Variants in GOSR1 observed in about 807,000 individuals in gnomAD.
GOSR1 encodes the protein golgi SNAP receptor complex member 1, also known as 28 kDa Golgi SNARE protein.
A neutral mutation model predicts 35.5 loss-of-function variants in GOSR1; 21 were observed. The observed-to-expected ratio is 0.59, with a 90% CI of 0.42 to 0.85. The LOEUF (loss-of-function observed/expected upper bound fraction) is 0.85, where lower values mean the gene tolerates loss of function less well. GOSR1 is among the 40% of genes least tolerant of loss of function. The pLI, the probability that GOSR1 is intolerant of heterozygous loss-of-function variation, is 0.00. For missense variants in GOSR1, 285 were observed against 309.6 expected, an observed-to-expected ratio of 0.92 and a Z score of 0.60; for synonymous variants, 94 against 106.6, an observed-to-expected ratio of 0.88 and a Z score of 0.73.
intron 8 of GOSR1, 55 bp downstream of exon 8, chr17:30,520,076 CTG>C (rs1967969713): frequency 9.0e-7 from 1 of 1,110,868 alleles, no homozygotes; most frequent in Non-Finnish European, 1.4e-6. Flanking sequence ...GGAGAAGTGT[CTG>C]TGTGTGCTTT....
rs533613160 is a variant in GOSR1 at position 30,482,944 on chromosome 17, C to T, written c.147-1270C>T. On this transcript the variant is annotated intron_variant, in intron 2 of 8. Coordinates refer to ENST00000451249, the MANE Select transcript of GOSR1 (RefSeq NM_001007025.2). ...ATTTCCCAAGAAATTCTACCACAAA[C>T]TGAAACTGGCTTTGTAGAATTACTT... is the stretch of plus-strand genomic sequence containing the variant. 89 of 152,254 alleles carry T rather than the reference C, an allele frequency of 5.8e-4. 1 individual carries two copies. The highest frequency in any genetic ancestry group is 2.1e-3 in the African/African-American group (86 of 41,556). 9.4% of individuals were successfully genotyped at this position (152,254 alleles called of 1,614,324 possible).
intron 6 of GOSR1, among the ~76,000 whole-genome samples, chr17:30,505,010 C>A (rs563360358): frequency 5.9e-5 from 9 of 152,290 alleles, no homozygotes; most frequent in African/African-American, 1.9e-4. Flanking sequence ...TTTTATATTT[C>A]TTTCTAGGCT....
rs1217841376 is a variant in GOSR1, at chr17:30,524,607, A to G, written c.*2229A>G. 1 of 152,084 alleles carries G rather than the reference A, an allele frequency of 6.6e-6. No individual in the cohort carries two copies. The highest frequency in any genetic ancestry group is 1.5e-5 in the Non-Finnish European group (1 of 68,022). The allele number at this position is 152,084 out of a possible 1,614,324, so 9.4% of individuals were successfully genotyped here. A position where few individuals can be genotyped will look rare whatever the true frequency, so the allele number is the denominator to read the frequency against. ...GAAATGAAATCTCAGTTCCACTATG[A>G]TAAAAGAAACGAATCACCAGTGTCT... On this transcript the variant is annotated 3_prime_UTR_variant, in exon 9 of 9. Coordinates refer to ENST00000451249, the MANE Select transcript of GOSR1 (RefSeq NM_001007025.2).
intron 4 of GOSR1, among the ~76,000 whole-genome samples, chr17:30,485,434 T>A (rs1483861005): frequency 1.3e-5 from 2 of 152,156 alleles, no homozygotes; most frequent in Non-Finnish European, 2.9e-5. Flanking sequence ...GCCTGGCTAA[T>A]TTTTTAAAAG....
chr17:30,493,947 C>A (rs1966896090), intron 6 of GOSR1, among the ~76,000 whole-genome samples: 1 of 152,016 alleles, frequency 6.6e-6, no homozygotes, highest in Non-Finnish European at 1.5e-5. Flanking sequence ...TTCTAAATTC[C>A]TAAATCAGAA....
intron 5 of GOSR1, among the ~76,000 whole-genome samples, chr17:30,490,889 G>A (rs1261556989): frequency 6.6e-6 from 1 of 151,998 alleles, no homozygotes; most frequent in Non-Finnish European, 1.5e-5. Context: ...TCCCATGGGC[G>A]TCTCATTGAA....
rs184101074 is a variant in GOSR1 at position 30,516,245 on chromosome 17, C to T, written c.540-3694C>T. On this transcript the variant is annotated intron_variant, in intron 7 of 8. Coordinates refer to ENST00000451249, the MANE Select transcript of GOSR1 (RefSeq NM_001007025.2). ...CAGCACTTTGGGAGGCTGAGGCGGG[C>T]GGATCACGAGGGCAGGAGTTCGAGA... 4.6e-3 allele frequency among the ~76,000 whole-genome samples: 701 copies of T among 151,992 alleles called. 8 individuals carry two copies. Among genetic ancestry groups the T allele is most frequent in the African/African-American group, 0.016 (665 of 41,468 alleles).
chr17:30,519,980 G>A lies in GOSR1; in HGVS notation c.581G>A (p.Gly194Glu). Reference protein sequence around the residue: ...ATKENMTSQRGMLKSIHSKMN... With the variant: ...ATKENMTSQREMLKSIHSKMN... ...AAAGAAAATATGACTTCACAGAGAG[G>A]AATGTTGAAGTCAATTCACAGCAAA... Residue 194 changes from glycine to glutamate, a missense_variant, in exon 8 of 9, where the codon GGA becomes GAA. By Grantham distance (98) the Gly-to-Glu change is moderately conservative (BLOSUM62 -2). This residue lies in a region of GOSR1 where 168 missense variants were observed against 183.2 expected (regional missense o/e 0.92). Coordinates refer to ENST00000451249, the MANE Select transcript of GOSR1 (RefSeq NM_001007025.2). The A allele has an allele frequency of 6.2e-7, 1 of 1,610,366 alleles. No homozygotes were observed. The highest frequency in any genetic ancestry group is 1.7e-5 in the Admixed American group (1 of 59,918).
At chr17:30,508,443 T>TAAC (rs1244964949) in intron 6 of GOSR1, among the ~76,000 whole-genome samples, 2 of 152,196 alleles carry the variant, frequency 1.3e-5, no homozygotes, top group Non-Finnish European at 2.9e-5. Flanking sequence ...AAGGAGGTAT[T>TAAC]AACCCAAGTT....
At chr17:30,508,667 G>A (rs1275611561) in intron 6 of GOSR1, among the ~76,000 whole-genome samples, 2 of 152,174 alleles carry the variant, frequency 1.3e-5, no homozygotes, top group African/African-American at 4.8e-5. Flanking sequence ...GAGTTTATCT[G>A]GAAATTTATA....
intron 7 of GOSR1, among the ~76,000 whole-genome samples, chr17:30,519,136 C>T (rs1250429209): frequency 6.6e-6 from 1 of 152,130 alleles, no homozygotes; most frequent in Non-Finnish European, 1.5e-5. Flanking sequence ...TCACAGCTCG[C>T]TGTAGCCCCC....
chr17:30,508,003 A>C (rs1002724883), intron 6 of GOSR1, among the ~76,000 whole-genome samples: 10 of 152,192 alleles, frequency 6.6e-5, no homozygotes, highest in Non-Finnish European at 1.5e-4. Context: ...ACTGGGGGCA[A>C]AATGCTACCA....
intron 4 of GOSR1, among the ~76,000 whole-genome samples, chr17:30,485,745 G>A (rs564328949): frequency 1.1e-4 from 17 of 152,196 alleles, no homozygotes; most frequent in Non-Finnish European, 1.5e-4. Context: ...TAGATGGCCG[G>A]GCGCAGTGGC....
intron 7 of GOSR1, among the ~76,000 whole-genome samples, chr17:30,519,174 C>T (rs1461055545): frequency 6.6e-6 from 1 of 152,094 alleles, no homozygotes; most frequent in Non-Finnish European, 1.5e-5. Flanking sequence ...GATCCTCTCA[C>T]CTCAGCCTCC....
intron 5 of GOSR1, among the ~76,000 whole-genome samples, chr17:30,491,833 G>A (rs1170695454): frequency 6.6e-6 from 1 of 152,088 alleles, no homozygotes; most frequent in Non-Finnish European, 1.5e-5. Flanking sequence ...ACAAAACTAG[G>A]TATTGAGACA....
At chr17:30,510,662 T>G in intron 6 of GOSR1, 7 of 320,198 alleles carry the variant, frequency 2.2e-5, no homozygotes, top group Non-Finnish European at 2.4e-5. Flanking sequence ...TGCAGTGAGT[T>G]GAGATTACAC....
Position 30,517,332 on chromosome 17 carries a change from CTT to C in GOSR1, c.540-2606_540-2605del, listed in dbSNP as rs1477244200. On this transcript the variant is annotated intron_variant, in intron 7 of 8. Transcript: ENST00000451249. ...CCTCCATTCTTAACCTCTGAAGTAA[CTT>C]GTGTTAAGTGACAATTGTGTATCTT... Among the ~76,000 whole-genome samples, 4 of 152,288 alleles carry C rather than the reference CTT, an allele frequency of 2.6e-5. No homozygotes were observed. In the East Asian group the frequency reaches 7.7e-4, roughly 29 times the overall value.
chr17:30,519,186 G>A (rs1012821560), intron 7 of GOSR1, among the ~76,000 whole-genome samples: 4 of 151,798 alleles, frequency 2.6e-5, no homozygotes, highest in Admixed American at 6.6e-5. Flanking sequence ...TCAGCCTCCC[G>A]AGTAGCTGGG....
chr17:30,521,234 T>A (rs2143939591), intron 8 of GOSR1, among the ~76,000 whole-genome samples: 1 of 135,496 alleles, frequency 7.4e-6, no homozygotes, highest in Admixed American at 8.4e-5. Flanking sequence ...CAGGCTGGAG[T>A]ACAGTGGCAC....
Sources: gnomAD v4.1 joint callset for allele counts (sites outside exome capture counted in the v4.1 genomes callset) on GRCh38, gnomAD v4.1.1 for gene constraint, gnomAD v4.1.1 regional missense constraint, MANE v1.5 for transcripts, NCBI Gene and HGNC (gene_info 2026-07-23, HGNC 2026-07-21) for gene names.